Variants in TAS2R1 observed in about 807,000 individuals in gnomAD.
TAS2R1 encodes the protein taste 2 receptor member 1.
For synonymous variants in TAS2R1, 141 were observed against 134.2 expected (o/e 1.05, Z -0.35); for missense variants, 370 against 353.4 (o/e 1.05, Z -0.38).
chr5:9,736,747 A>G, the TAS2R1 span, among the ~76,000 whole-genome samples: 12 of 152,198 alleles, frequency 7.9e-5, no homozygotes, highest in Middle Eastern at 3.4e-3. Context: ...TCCCCTCTCT[A>G]TAAGGACATT....
the TAS2R1 span, among the ~76,000 whole-genome samples, chr5:9,776,431 G>A: frequency 6.6e-6 from 1 of 152,290 alleles, no homozygotes; most frequent in East Asian, 1.9e-4. Context: ...GTGACTTTTG[G>A]TTTTTATGAA....
intron 1 of TAS2R1, among the ~76,000 whole-genome samples, chr5:9,689,069 GC>G (rs757117988): frequency 3.3e-5 from 5 of 152,084 alleles, no homozygotes; most frequent in Non-Finnish European, 7.4e-5. Context: ...GCTTCAAGAA[GC>G]TTTTCCAGGA....
At chr5:9,892,484 CTT>C in the TAS2R1 span, among the ~76,000 whole-genome samples, 1 of 152,152 alleles carries the variant, frequency 6.6e-6, no homozygotes, top group Non-Finnish European at 1.5e-5. Flanking sequence ...TCCCAGGGAA[CTT>C]CAGGTGTCTA....
At chr5:9,855,144 C>T in the TAS2R1 span, among the ~76,000 whole-genome samples, 1 of 152,148 alleles carries the variant, frequency 6.6e-6, no homozygotes, top group African/African-American at 2.4e-5. Flanking sequence ...CTTCCTAATT[C>T]TTACTTGACT....
At chr5:9,670,683 T>G (rs901185623) in intron 1 of TAS2R1, among the ~76,000 whole-genome samples, 1 of 152,144 alleles carries the variant, frequency 6.6e-6, no homozygotes, top group Non-Finnish European at 1.5e-5. Context: ...TAGAACCAGA[T>G]GGATTCACAG....
chr5:9,844,848 C>T, the TAS2R1 span, among the ~76,000 whole-genome samples: 2 of 152,122 alleles, frequency 1.3e-5, no homozygotes, highest in South Asian at 2.1e-4. Context: ...TGAGAATGAC[C>T]GTGGCCCTTG....
chr5:9,725,562 G>A, the TAS2R1 span, among the ~76,000 whole-genome samples: 8 of 152,184 alleles, frequency 5.3e-5, no homozygotes, highest in East Asian at 1.4e-3. Flanking sequence ...CCACGGGGCA[G>A]GGCTCGGGAC....
chr5:9,767,286 T>C, the TAS2R1 span, among the ~76,000 whole-genome samples: 1 of 151,930 alleles, frequency 6.6e-6, no homozygotes, highest in South Asian at 2.1e-4. Context: ...GGTGCTCATA[T>C]GCAAACCATA....
At chr5:9,872,187 T>A in the TAS2R1 span, among the ~76,000 whole-genome samples, 3 of 152,208 alleles carry the variant, frequency 2.0e-5, no homozygotes, top group Non-Finnish European at 2.9e-5. Context: ...TTATCTGCAA[T>A]GTTTCCCAAA....
At chr5:9,889,975 G>C in the TAS2R1 span, 2 of 152,196 alleles carry the variant, frequency 1.3e-5, no homozygotes, top group Admixed American at 1.3e-4. Flanking sequence ...AATGTCGGGT[G>C]GGCTGATTCA....
chr5:9,636,222 T>C (rs931186601), intron 2 of TAS2R1, among the ~76,000 whole-genome samples: 6 of 152,070 alleles, frequency 3.9e-5, no homozygotes, highest in African/African-American at 1.4e-4. Context: ...GCAGATTATT[T>C]ATTTCCATGT....
chr5:9,731,475 C>T, the TAS2R1 span, among the ~76,000 whole-genome samples: 4 of 152,178 alleles, frequency 2.6e-5, no homozygotes, highest in Non-Finnish European at 4.4e-5. Flanking sequence ...GCGGCTTCCT[C>T]ACCATCACAA....
rs149152414 is a variant in TAS2R1, at chr5:9,662,839, G to A, written c.-241-3258C>T. The stretch of plus-strand genomic sequence containing the variant: ...AATACTCTTTCTTATTTGTTCCAGA[G>A]ATAATGATATAAATAGAATTCACTT... On this transcript the variant is annotated intron_variant, in intron 1 of 2. Coordinates refer to the TAS2R1 transcript ENST00000506620. Among the ~76,000 whole-genome samples the A allele has an allele frequency of 5.3e-5, 8 of 152,274 alleles. No homozygotes were observed. The East Asian group carries it at 1.4e-3, about 26-fold the overall frequency.
chr5:9,844,972 C>T, the TAS2R1 span, among the ~76,000 whole-genome samples: 93 of 151,544 alleles, frequency 6.1e-4, no homozygotes, highest in African/African-American at 2.1e-3. Context: ...ACATAAAAGG[C>T]CCTCTGTGAC....
chr5:9,798,006 T>C, the TAS2R1 span, among the ~76,000 whole-genome samples: 13 of 152,318 alleles, frequency 8.5e-5, no homozygotes, highest in South Asian at 2.7e-3. Flanking sequence ...ACCCATCAGC[T>C]GGTGAACTGG....
At chr5:9,830,477 G>C in the TAS2R1 span, among the ~76,000 whole-genome samples, 1 of 152,090 alleles carries the variant, frequency 6.6e-6, no homozygotes, top group Non-Finnish European at 1.5e-5. Flanking sequence ...GACAGACACA[G>C]AAAAATAGAT....
At chr5:9,777,942 G>A in the TAS2R1 span, among the ~76,000 whole-genome samples, 10 of 151,050 alleles carry the variant, frequency 6.6e-5, no homozygotes, top group East Asian at 3.9e-4. Flanking sequence ...CTGCAGTGGC[G>A]CAATCTCGGC....
chr5:9,793,473 T>C, the TAS2R1 span, among the ~76,000 whole-genome samples: 3 of 152,068 alleles, frequency 2.0e-5, no homozygotes, highest in African/African-American at 7.2e-5. Flanking sequence ...GGGAAAACCT[T>C]AGGGACAGAT....
the TAS2R1 span, among the ~76,000 whole-genome samples, chr5:9,837,964 C>T: frequency 6.6e-6 from 1 of 152,192 alleles, no homozygotes; most frequent in Non-Finnish European, 1.5e-5. Flanking sequence ...TTCATGGTCT[C>T]TCTTTACTCA....
Sources: allele counts gnomAD v4.1 joint callset (sites outside exome capture counted in the v4.1 genomes callset), GRCh38; gene constraint gnomAD v4.1.1; transcripts MANE v1.5; gene names NCBI Gene and HGNC (gene_info 2026-07-23, HGNC 2026-07-21).